The following GBE1 variants were observed in gnomAD, a reference collection of about 807,000 sequenced individuals.
GBE1 encodes the protein 1,4-alpha-glucan-branching enzyme.
GBE1 carries 70 observed loss-of-function variants against 88.8 expected under a neutral mutation model. The ratio of observed to expected loss-of-function variants is 0.79; its 90% CI spans 0.65 to 0.96. The LOEUF (loss-of-function observed/expected upper bound fraction) is 0.96, where lower values mean the gene tolerates loss of function less well. GBE1 is among the 40% of genes least tolerant of loss of function. The pLI is 0.00. For synonymous variants in GBE1, 284 were observed against 300.1 expected, an observed-to-expected ratio of 0.95 and a Z score of 0.56; for missense variants, 872 against 871.0, an observed-to-expected ratio of 1.00 and a Z score of -0.01.
chr3:81,558,978 G>T (rs893054181), intron 12 of GBE1, among the ~76,000 whole-genome samples: 1 of 152,066 alleles, frequency 6.6e-6, no homozygotes, highest in Non-Finnish European at 1.5e-5. Flanking sequence ...TTAGTTGGGG[G>T]CAGCATATAC....
At chr3:81,524,817 AGTATAATTT>A (rs1443835767) in intron 14 of GBE1, among the ~76,000 whole-genome samples, 1 of 151,900 alleles carries the variant, frequency 6.6e-6, no homozygotes. Flanking sequence ...ATAGCTCTGT[AGTATAATTT>A]GAAGTCAGGT....
chr3:81,632,849 A>G (rs892467954), intron 7 of GBE1, among the ~76,000 whole-genome samples: 1 of 152,164 alleles, frequency 6.6e-6, no homozygotes, highest in Admixed American at 6.6e-5. Context: ...GCCCAGAGGG[A>G]CAATTACACT....
rs764293419 is a variant in GBE1, at chr3:81,649,817, C to G, written c.534G>C (p.Trp178Cys). 3.7e-6 allele frequency: 6 copies of G among 1,608,918 alleles called. No homozygotes were observed. The Admixed American group carries it at 1.0e-4, about 27-fold the overall frequency. The change falls in exon 4 of 16, where the codon TGG becomes TGC. Residue 178 changes from tryptophan (W) to cysteine (C), a missense_variant. By Grantham distance (215) the Trp-to-Cys change is radical (BLOSUM62 -2). Transcript: ENST00000429644. ...TCACCTCATATGAGTGTTCTGGATC[C>G]CAGTGTATCCAATCATAATTCACAT... is the stretch of plus-strand genomic sequence containing the variant. Reference protein sequence around the residue: ...GDNVNYDWIHWDPEHSYEFKH... With the variant: ...GDNVNYDWIHCDPEHSYEFKH...
intron 12 of GBE1, among the ~76,000 whole-genome samples, chr3:81,563,916 A>G (rs543666393): frequency 7.2e-6 from 1 of 138,510 alleles, no homozygotes; most frequent in African/African-American, 2.6e-5. Context: ...GGAGGGAGGG[A>G]GGGAGTGAGG....
intron 14 of GBE1, among the ~76,000 whole-genome samples, chr3:81,529,664 G>C (rs1168890432): frequency 1.3e-5 from 2 of 152,054 alleles, no homozygotes; most frequent in Non-Finnish European, 2.9e-5. Flanking sequence ...GGTTTCCACT[G>C]ATAAGTATGC....
chr3:81,623,329 C>T (rs1401275044), intron 7 of GBE1, among the ~76,000 whole-genome samples: 1 of 152,202 alleles, frequency 6.6e-6, no homozygotes, highest in Non-Finnish European at 1.5e-5. Context: ...TATGATATTG[C>T]ACGTCACTTC....
chr3:81,649,756 T>C, intron 4 of GBE1, 40 bp downstream of exon 4: 1 of 1,538,090 alleles, frequency 6.5e-7, no homozygotes, highest in East Asian at 2.3e-5. Context: ...TTCCTAGAAA[T>C]ATTGGAACAA....
chr3:81,708,414 T>C (rs1040875833), intron 1 of GBE1, among the ~76,000 whole-genome samples: 1 of 152,002 alleles, frequency 6.6e-6, no homozygotes, highest in African/African-American at 2.4e-5. Context: ...AAGTGGCCAA[T>C]AAACATTGGA....
chr3:81,499,034 T>G (rs1244859038), intron 15 of GBE1, 76 bp downstream of exon 15: 3 of 839,452 alleles, frequency 3.6e-6, no homozygotes, highest in Non-Finnish European at 5.7e-6. Context: ...TGAAGAGTTG[T>G]TTATTTGAAC....
chr3:81,745,806 A>G (rs968367232), intron 1 of GBE1, among the ~76,000 whole-genome samples: 1 of 152,142 alleles, frequency 6.6e-6, no homozygotes, highest in Admixed American at 6.5e-5. Context: ...ATTTTTAGCT[A>G]TATTATTCAT....
At chr3:81,536,737 C>T (rs1022379588) in intron 13 of GBE1, among the ~76,000 whole-genome samples, 174 bp downstream of exon 13, 1 of 152,006 alleles carries the variant, frequency 6.6e-6, no homozygotes, top group Non-Finnish European at 1.5e-5. Flanking sequence ...TTTTCATTAT[C>T]AATTGAAGAG....
chr3:81,723,123 AT>A (rs1207283665), intron 1 of GBE1, among the ~76,000 whole-genome samples: 1 of 151,742 alleles, frequency 6.6e-6, no homozygotes, highest in Non-Finnish European at 1.5e-5. Flanking sequence ...CTCTAGTGTT[AT>A]TTGCTCATAG....
chr3:81,661,787 G>A (rs1705034912), intron 3 of GBE1, among the ~76,000 whole-genome samples: 1 of 151,978 alleles, frequency 6.6e-6, no homozygotes, highest in African/African-American at 2.4e-5. Context: ...GTAACAAAAT[G>A]ATAGATCTTT....
chr3:81,563,836 A>AC (rs34927591), intron 12 of GBE1, among the ~76,000 whole-genome samples: 98,310 of 150,718 alleles, frequency 0.65, 33,663 homozygotes, highest in East Asian at 0.92. Flanking sequence ...AGGTTTAGAT[A>AC]TATAAGTAAC....
chr3:81,716,956 C>A (rs932549052), intron 1 of GBE1, among the ~76,000 whole-genome samples: 1 of 152,146 alleles, frequency 6.6e-6, no homozygotes, highest in Non-Finnish European at 1.5e-5. Flanking sequence ...TGAAGGTAAG[C>A]CCTGTGAGAT....
chr3:81,624,940 A>G (rs1704390911), intron 7 of GBE1, among the ~76,000 whole-genome samples: 1 of 152,114 alleles, frequency 6.6e-6, no homozygotes, highest in African/African-American at 2.4e-5. Context: ...ACTTTTTTCT[A>G]CCTGCTAAAA....
chr3:81,581,289 A>C lies in GBE1; in HGVS notation c.1336-14T>G. The C allele has an allele frequency of 7.3e-7, 1 of 1,374,844 alleles. No homozygotes were observed. The highest frequency in any genetic ancestry group is 2.3e-5 in the East Asian group (1 of 42,894). The allele number at this position is 1,374,844 out of a possible 1,614,324, so 85.2% of individuals were successfully genotyped here. A position where few individuals can be genotyped will look rare whatever the true frequency, so the allele number is the denominator to read the frequency against. Reference sequence around the variant, plus strand: ...CTCTTTAAGTAGCTAGACACAAGAGAGAAAAATAAGCTTCTGAGTAAAGCA... The same window carrying C: ...CTCTTTAAGTAGCTAGACACAAGAGCGAAAAATAAGCTTCTGAGTAAAGCA... On this transcript the variant is annotated splice_polypyrimidine_tract_variant and intron_variant, in intron 10 of 15. Coordinates refer to ENST00000429644, the MANE Select transcript of GBE1 (RefSeq NM_000158.4).
At chr3:81,510,478 A>G (rs1702710833) in intron 14 of GBE1, among the ~76,000 whole-genome samples, 1 of 152,226 alleles carries the variant, frequency 6.6e-6, no homozygotes, top group Non-Finnish European at 1.5e-5. Flanking sequence ...GAAAAACTGT[A>G]AAGCAAAGCT....
intron 6 of GBE1, among the ~76,000 whole-genome samples, chr3:81,643,317 CTGTT>C (rs1290252993): frequency 6.6e-6 from 1 of 152,166 alleles, no homozygotes; most frequent in Admixed American, 6.6e-5. Context: ...CATTCCTGCT[CTGTT>C]TGCCCACTGC....
Sources: gnomAD v4.1 joint callset for allele counts (sites outside exome capture counted in the v4.1 genomes callset) on GRCh38, gnomAD v4.1.1 for gene constraint, MANE v1.5 for transcripts, NCBI Gene and HGNC (gene_info 2026-07-23, HGNC 2026-07-21) for gene names.